The following ANKRD46 variants were observed in gnomAD, a reference collection of about 807,000 sequenced individuals.
The protein encoded by ANKRD46 is ankyrin repeat domain-containing protein 46.
A neutral mutation model predicts 19.8 loss-of-function variants in ANKRD46; 13 were observed. That is an observed-to-expected ratio of 0.66 (90% CI 0.43 to 1.04). ANKRD46 has a LOEUF of 1.04. Among genes scored for constraint, ANKRD46 ranks in the 50% least tolerant of loss-of-function variants. ANKRD46 has a pLI of 0.00. For missense variants in ANKRD46, 185 were observed against 274.8 expected, an observed-to-expected ratio of 0.67 and a Z score of 2.31; for synonymous variants, 91 against 106.9, an observed-to-expected ratio of 0.85 and a Z score of 0.92.
At chr8:100,542,004 T>C (rs971397261) in intron 1 of ANKRD46, among the ~76,000 whole-genome samples, 2 of 152,132 alleles carry the variant, frequency 1.3e-5, no homozygotes, top group African/African-American at 4.8e-5. Flanking sequence ...GTACACTTTG[T>C]ACACAAACAA....
At position 100,544,577 on chromosome 8, in the gene ANKRD46, G is replaced by T. The variant is rs1812235271; in HGVS notation, c.-130-11266C>A. 6.6e-6 allele frequency among the ~76,000 whole-genome samples: 1 copy of T among 152,106 alleles called. No homozygotes were observed. The highest frequency in any genetic ancestry group is 1.5e-5 in the Non-Finnish European group (1 of 68,014). ...TGAATTTATCAAGAATTATTTTTCA[G>T]GATAAGCACTAAGTACTAGACACCA... is the stretch of plus-strand genomic sequence containing the variant. On this transcript the variant is annotated intron_variant, in intron 1 of 4. Coordinates refer to ENST00000335659, the MANE Select transcript of ANKRD46 (RefSeq NM_001270377.2). This position sits in a 1 kb window ranked among gnomAD's most constrained non-coding sequence, Gnocchi z 4.4.
chr8:100,521,302 A>C lies in ANKRD46; in HGVS notation c.*1253T>G, dbSNP rs986910477. The C allele has an allele frequency of 1.0e-6, 1 of 985,304 alleles. No individual in the cohort carries two copies. Among genetic ancestry groups the C allele is most frequent in the South Asian group, 4.7e-5 (1 of 21,290 alleles). 61.0% of individuals were successfully genotyped at this position (985,304 alleles called of 1,614,324 possible). A position where few individuals can be genotyped will look rare whatever the true frequency, so the allele number is the denominator to read the frequency against. ...AGCTTAGGTGCCTTTATTCCAAAAA[A>C]CAAAACCATTAGTTCTTTCACTACA... On this transcript the variant is annotated 3_prime_UTR_variant, in exon 5 of 5. Coordinates refer to ENST00000335659, the MANE Select transcript of ANKRD46 (RefSeq NM_001270377.2).
chr8:100,530,025 T>C (rs1184891300), intron 2 of ANKRD46, among the ~76,000 whole-genome samples, 165 bp from the exon 3 acceptor site: 1 of 152,246 alleles, frequency 6.6e-6, no homozygotes, highest in Non-Finnish European at 1.5e-5. Flanking sequence ...TTATTTTCCA[T>C]TAAAACATTT....
intron 1 of ANKRD46, among the ~76,000 whole-genome samples, chr8:100,549,481 T>C (rs1421184717): frequency 6.6e-6 from 1 of 152,212 alleles, no homozygotes; most frequent in African/African-American, 2.4e-5. Flanking sequence ...AATTCTGATT[T>C]CTTCAAAAGC....
In ANKRD46 at chr8:100,537,239, T is replaced by G. The variant is rs1812082616; in HGVS notation, c.-130-3928A>C. 6.6e-6 allele frequency among the ~76,000 whole-genome samples: 1 copy of G among 152,216 alleles called. No individual in the cohort carries two copies. Among genetic ancestry groups the G allele is most frequent in the South Asian group, 2.1e-4 (1 of 4,836 alleles). On this transcript the variant is annotated intron_variant, in intron 1 of 4. Coordinates refer to ENST00000335659, the MANE Select transcript of ANKRD46 (RefSeq NM_001270377.2). This position sits in a 1 kb window ranked among gnomAD's most constrained non-coding sequence, Gnocchi z 4.2. ...AACAAGAATACATAATAGATGGATT[T>G]TTCATTTTGAAAGGCCATTTGGAAA...
intron 5 of ANKRD46, among the ~76,000 whole-genome samples, chr8:100,513,280 T>C (rs1387465557): frequency 6.6e-6 from 1 of 152,192 alleles, no homozygotes; most frequent in Non-Finnish European, 1.5e-5. Context: ...TGGAGTGAGT[T>C]AGGCAGAATC....
In ANKRD46 at chr8:100,542,412, G is replaced by A. The variant is rs116951969; in HGVS notation, c.-130-9101C>T. ...CATGTTTGTAGAACAGACATGAAACGACTGAGAAACGGCAGAATGACTCAT... is the reference window on the plus strand; with the variant it reads ...CATGTTTGTAGAACAGACATGAAACAACTGAGAAACGGCAGAATGACTCAT... On this transcript the variant is annotated intron_variant, in intron 1 of 4. Coordinates refer to ENST00000335659, the MANE Select transcript of ANKRD46 (RefSeq NM_001270377.2). Among the ~76,000 whole-genome samples the A allele has an allele frequency of 4.9e-4, 75 of 152,172 alleles. 2 individuals carry two copies. The East Asian group carries it at 0.013, about 26-fold the overall frequency.
In ANKRD46 at chr8:100,550,927, C is replaced by T. The variant is rs971375938; in HGVS notation, c.-131+8784G>A. 2.3e-5 allele frequency: 14 copies of T among 601,438 alleles called. No individual in the cohort carries two copies. Among genetic ancestry groups the T allele is most frequent in the African/African-American group, 3.7e-5 (2 of 53,862 alleles). The allele number at this position is 601,438 out of a possible 1,614,324, so 37.3% of individuals were successfully genotyped here. On this transcript the variant is annotated intron_variant, in intron 1 of 4. Coordinates refer to ENST00000335659, the MANE Select transcript of ANKRD46 (RefSeq NM_001270377.2). This position sits in a 1 kb window ranked among gnomAD's most constrained non-coding sequence, Gnocchi z 4.4. ...AAGATGCCCTTGAGGGGCCCTCTGA[C>T]GCCTGCTTCACCACCTTTTTGATGT...
Position 100,527,599 on chromosome 8 carries a change from C to A in ANKRD46, c.470+246G>T, listed in dbSNP as rs1175542198. ...TAGCTTCTCAATTGTAATCTGCAGT[C>A]ATAAGGTCCTATATAAAGTTCAAGT... is the stretch of plus-strand genomic sequence containing the variant. On this transcript the variant is annotated intron_variant, in intron 4 of 4. Coordinates refer to ENST00000335659, the MANE Select transcript of ANKRD46 (RefSeq NM_001270377.2). The surrounding 1 kb of genome is among the most constrained non-coding windows in gnomAD (Gnocchi z 4.0). Among the ~76,000 whole-genome samples the A allele has an allele frequency of 6.6e-6, 1 of 152,170 alleles. No individual in the cohort carries two copies. Among genetic ancestry groups the A allele is most frequent in the Non-Finnish European group, 1.5e-5 (1 of 68,042 alleles).
chr8:100,518,847 G>T (rs1271731508), downstream of ANKRD46, among the ~76,000 whole-genome samples: 2 of 139,096 alleles, frequency 1.4e-5, no homozygotes, highest in East Asian at 3.9e-4. Context: ...GCGAGACTCT[G>T]TCTCAAAAAA....
intron 1 of ANKRD46, among the ~76,000 whole-genome samples, chr8:100,548,035 T>C (rs1406788290): frequency 5.9e-5 from 9 of 152,070 alleles, no homozygotes; most frequent in African/African-American, 1.4e-4. Flanking sequence ...GTAGCTCCCA[T>C]GGCCCAAGCA....
At chr8:100,514,611 C>CTTTT (rs1563922826) in intron 5 of ANKRD46, among the ~76,000 whole-genome samples, 2 of 76,074 alleles carry the variant, frequency 2.6e-5, no homozygotes, top group African/African-American at 1.2e-4. Context: ...GTTATTCCTC[C>CTTTT]ATCTTCTTTT....
chr8:100,522,432 A>G lies in ANKRD46; in HGVS notation c.*123T>C, dbSNP rs1811742231. 5.5e-6 allele frequency: 8 copies of G among 1,456,056 alleles called. No individual in the cohort carries two copies. The highest frequency in any genetic ancestry group is 6.3e-6 in the Non-Finnish European group (7 of 1,110,170). 90.2% of individuals were successfully genotyped at this position (1,456,056 alleles called of 1,614,324 possible). On this transcript the variant is annotated 3_prime_UTR_variant, in exon 5 of 5. Transcript: ENST00000335659. Reference sequence around the variant, plus strand: ...TTATCTAAAAGGATTACAATAATTAAAAATGCAAAAAGAACATGTACTGCC... The same window carrying G: ...TTATCTAAAAGGATTACAATAATTAGAAATGCAAAAAGAACATGTACTGCC...
downstream of ANKRD46, chr8:100,520,665 T>G: frequency 2.4e-6 from 1 of 414,532 alleles, no homozygotes. Flanking sequence ...TACATTAGGT[T>G]TGAAAAAAAG....
At chr8:100,518,707 C>T (rs917866536), downstream of ANKRD46, among the ~76,000 whole-genome samples, 3 of 152,040 alleles carry the variant, frequency 2.0e-5, no homozygotes, top group African/African-American at 7.2e-5. Context: ...AAAAAATTAG[C>T]TGGGCGTGGT....
chr8:100,512,534 G>A (rs1488871393), intron 5 of ANKRD46, among the ~76,000 whole-genome samples: 1 of 152,148 alleles, frequency 6.6e-6, no homozygotes. Flanking sequence ...GGATTTCTGA[G>A]CTCAGCCATT....
At chr8:100,556,316 C>T (rs1434375967) in intron 1 of ANKRD46, among the ~76,000 whole-genome samples, 1 of 152,198 alleles carries the variant, frequency 6.6e-6, no homozygotes, top group Admixed American at 6.5e-5. Flanking sequence ...CCACTTCGCC[C>T]AGCCCACCCA....
At chr8:100,540,156 C>T (rs1455884566) in intron 1 of ANKRD46, among the ~76,000 whole-genome samples, 4 of 151,376 alleles carry the variant, frequency 2.6e-5, no homozygotes, top group African/African-American at 9.7e-5. Context: ...AGAAACCCTA[C>T]AAGGTACATG....
chr8:100,522,642 G>A lies in ANKRD46; in HGVS notation c.600C>T (p.Phe200=), dbSNP rs751985899. Residue 200 remains phenylalanine, a synonymous_variant, in exon 5 of 5, where the codon TTC becomes TTT. Coordinates refer to ENST00000335659, the MANE Select transcript of ANKRD46 (RefSeq NM_001270377.2). ...LGFWRVLLLI[F]VIALLSLGIA... The stretch of plus-strand genomic sequence containing the variant: ...TGCCAAGAGACAGCAAAGCAATGAC[G>A]AAGATCAACAGCAATACTCTCCAGA... 19 of 1,613,830 alleles carry A rather than the reference G, an allele frequency of 1.2e-5. 1 individual carries two copies. Among genetic ancestry groups the A allele is most frequent in the Middle Eastern group, 1.6e-4 (1 of 6,084 alleles).
Sources: allele counts gnomAD v4.1 joint callset (sites outside exome capture counted in the v4.1 genomes callset), GRCh38; gene constraint gnomAD v4.1.1; non-coding constraint Gnocchi (gnomAD v3.1); transcripts MANE v1.5; gene names NCBI Gene and HGNC (gene_info 2026-07-23, HGNC 2026-07-21).